The following NRG3 variants were observed in gnomAD, a reference collection of about 807,000 sequenced individuals.
The protein encoded by NRG3 is neuregulin 3.
In NRG3, 31 loss-of-function variants were observed where a neutral mutation model predicts 66.9. The ratio of observed to expected loss-of-function variants is 0.46; its 90% CI spans 0.35 to 0.63. The LOEUF is 0.63. Ranked by LOEUF, NRG3 falls within the 20% of genes least tolerant of loss-of-function variation. NRG3 has a pLI of 0.00. For missense variants in NRG3, 910 were observed against 878.9 expected, an observed-to-expected ratio of 1.04 and a Z score of -0.45; for synonymous variants, 393 against 359.4, an observed-to-expected ratio of 1.09 and a Z score of -1.06.
chr10:81,905,801 A>C (rs1256356103), intron 1 of NRG3, among the ~76,000 whole-genome samples: 1 of 152,184 alleles, frequency 6.6e-6, no homozygotes, highest in Non-Finnish European at 1.5e-5. Context: ...CATGCATTCT[A>C]TTCTGCTCTA....
chr10:82,634,315 G>T (rs2050039111), intron 2 of NRG3, among the ~76,000 whole-genome samples: 1 of 152,076 alleles, frequency 6.6e-6, no homozygotes, highest in Non-Finnish European at 1.5e-5. Context: ...ACAAGGCAAG[G>T]CTTGATAATG....
chr10:82,639,492 C>G (rs142809316), intron 2 of NRG3, among the ~76,000 whole-genome samples: 1 of 152,290 alleles, frequency 6.6e-6, no homozygotes, highest in African/African-American at 2.4e-5. Flanking sequence ...ATCCAGTGAT[C>G]AAGAAGCTAG....
chr10:82,315,776 C>T (rs2081262280), intron 1 of NRG3, among the ~76,000 whole-genome samples: 1 of 151,796 alleles, frequency 6.6e-6, no homozygotes. Flanking sequence ...AGCAATTCTC[C>T]TGCCTCAGCC....
At chr10:82,436,921 G>A (rs1411947061) in intron 2 of NRG3, among the ~76,000 whole-genome samples, 2 of 152,128 alleles carry the variant, frequency 1.3e-5, no homozygotes, top group Non-Finnish European at 2.9e-5. Flanking sequence ...AGTCTGATGG[G>A]CTTCCCTTTG....
intron 2 of NRG3, among the ~76,000 whole-genome samples, chr10:82,671,467 T>C (rs2053268475): frequency 6.6e-6 from 1 of 152,190 alleles, no homozygotes; most frequent in South Asian, 2.1e-4. Flanking sequence ...CTAGCCTGGA[T>C]TTGTCATTTT....
intron 1 of NRG3, among the ~76,000 whole-genome samples, chr10:82,020,046 A>T (rs1178832201): frequency 6.6e-6 from 1 of 151,978 alleles, no homozygotes; most frequent in Admixed American, 6.6e-5. Context: ...TCAGTTTTAG[A>T]TCTTTCCTGT....
intron 3 of NRG3, among the ~76,000 whole-genome samples, chr10:82,831,194 A>G (rs1300542096): frequency 2.6e-4 from 40 of 152,100 alleles, no homozygotes; most frequent in Non-Finnish European, 4.4e-5. Context: ...AAGAGACTAG[A>G]TCCAAGCAGT....
chr10:82,679,679 TACCCAAG>T (rs1481023593), intron 2 of NRG3, among the ~76,000 whole-genome samples: 1 of 152,112 alleles, frequency 6.6e-6, no homozygotes, highest in East Asian at 1.9e-4. Flanking sequence ...AGTGTACAAA[TACCCAAG>T]TGACATATCT....
chr10:82,068,940 A>G (rs1386193323), intron 1 of NRG3, among the ~76,000 whole-genome samples: 1 of 152,236 alleles, frequency 6.6e-6, no homozygotes, highest in Non-Finnish European at 1.5e-5. Flanking sequence ...TCTTGCAAAT[A>G]TTTAAAATAA....
At chr10:82,325,611 G>C (rs7895663) in intron 1 of NRG3, among the ~76,000 whole-genome samples, 61,729 of 151,464 alleles carry the variant, frequency 0.41, 17,941 homozygotes, top group African/African-American at 0.82. Flanking sequence ...ATATGATAAC[G>C]TTTCCTTTTT....
At chr10:82,247,397 AGAGAAT>A (rs2134061028) in intron 1 of NRG3, among the ~76,000 whole-genome samples, 1 of 152,282 alleles carries the variant, frequency 6.6e-6, no homozygotes, top group Admixed American at 6.5e-5. Context: ...CCTCTTAGAA[AGAGAAT>A]AAGAGAGCTC....
chr10:82,522,637 G>A (rs946416031), intron 2 of NRG3, among the ~76,000 whole-genome samples: 1 of 151,584 alleles, frequency 6.6e-6, no homozygotes, highest in Non-Finnish European at 1.5e-5. Context: ...GCCACAAACC[G>A]TCAATTTGTA....
chr10:82,850,782 T>G (rs1218024054), intron 3 of NRG3, among the ~76,000 whole-genome samples: 1 of 152,152 alleles, frequency 6.6e-6, no homozygotes, highest in Non-Finnish European at 1.5e-5. Context: ...AACATGACTT[T>G]GAGTTCAGTG....
chr10:82,440,346 C>T, intron 2 of NRG3, among the ~76,000 whole-genome samples: 1 of 146,204 alleles, frequency 6.8e-6, no homozygotes. Flanking sequence ...ATCCTTTCTA[C>T]TAGTTTGCCT....
chr10:82,037,682 G>A (rs2062849444), intron 1 of NRG3, among the ~76,000 whole-genome samples: 1 of 152,044 alleles, frequency 6.6e-6, no homozygotes, highest in African/African-American at 2.4e-5. Context: ...TCCAACTTCA[G>A]GTTGCAGTGT....
At position 82,063,282 on chromosome 10, in the gene NRG3, G is replaced by GT. The variant is rs150449549; in HGVS notation, c.823+187128dup. Among the ~76,000 whole-genome samples the GT allele has an allele frequency of 1.4e-3, 204 of 146,544 alleles. 1 individual carries two copies. The highest frequency in any genetic ancestry group is 2.2e-3 in the South Asian group (10 of 4,564). On this transcript the variant is annotated intron_variant, in intron 1 of 8. Transcript: ENST00000372141. ...CATCATTTTACAGTCTCAAGTTTCT[G>GT]TTTTTTTTTCTTTATTTTATACCAA...
chr10:81,933,255 C>T (rs955678168), intron 1 of NRG3, among the ~76,000 whole-genome samples: 6 of 152,046 alleles, frequency 3.9e-5, no homozygotes, highest in African/African-American at 1.2e-4. Flanking sequence ...CCATGGCAGA[C>T]TTCTTCCTAG....
At chr10:81,888,667 T>C (rs2132536880) in intron 1 of NRG3, among the ~76,000 whole-genome samples, 1 of 152,218 alleles carries the variant, frequency 6.6e-6, no homozygotes, top group Middle Eastern at 3.4e-3. Context: ...TGTACCCACC[T>C]ATATGGGAGC....
chr10:82,308,811 A>G (rs1404816393), intron 1 of NRG3, among the ~76,000 whole-genome samples: 1 of 152,100 alleles, frequency 6.6e-6, no homozygotes, highest in Non-Finnish European at 1.5e-5. Flanking sequence ...GCTGAGCTCC[A>G]CCGTACCTTA....
Sources: allele counts gnomAD v4.1 joint callset (sites outside exome capture counted in the v4.1 genomes callset), GRCh38; gene constraint gnomAD v4.1.1; transcripts MANE v1.5; gene names NCBI Gene and HGNC (gene_info 2026-07-23, HGNC 2026-07-21).